The following GPAT3 variants were observed in gnomAD, a reference collection of about 807,000 sequenced individuals.
GPAT3 encodes the protein 1-AGP acyltransferase 9.
In GPAT3, 53 loss-of-function variants were observed where a neutral mutation model predicts 58.8. The observed-to-expected ratio is 0.90, with a 90% CI of 0.72 to 1.13. The LOEUF (loss-of-function observed/expected upper bound fraction) is 1.13, where lower values mean the gene tolerates loss of function less well. Ranked by LOEUF, GPAT3 falls within the 50% of genes most tolerant of loss-of-function variation. GPAT3 has a pLI of 0.00. For synonymous variants in GPAT3, 197 were observed against 187.4 expected, an observed-to-expected ratio of 1.05 and a Z score of -0.42; for missense variants, 511 against 527.6, an observed-to-expected ratio of 0.97 and a Z score of 0.31.
At chr4:83,544,197 T>C (rs536320499) in intron 1 of GPAT3, among the ~76,000 whole-genome samples, 1 of 152,242 alleles carries the variant, frequency 6.6e-6, no homozygotes, top group African/African-American at 2.4e-5. Flanking sequence ...ATAAGTAATT[T>C]CAAACCCAGA....
chr4:83,596,876 T>A lies in GPAT3; in HGVS notation c.873T>A (p.Ala291=), dbSNP rs2110108990. 2 of 1,602,924 alleles carry A rather than the reference T, an allele frequency of 1.2e-6. No individual in the cohort carries two copies. The highest frequency in any genetic ancestry group is 1.7e-6 in the Non-Finnish European group (2 of 1,177,278). The change falls in exon 8 of 12, where the codon GCT becomes GCA. Residue 291 remains alanine, a synonymous_variant. Transcript: ENST00000264409. ...TCCATAGACTAAAAGAACATATTGC[T>A]GATAAGAAGAAACTACCCATACTAA... ...LVTKRLKEHI[A]DKKKLPILIF... is the part of the protein sequence containing the mutation.
intron 2 of GPAT3, 21 bp downstream of exon 2, chr4:83,544,623 T>A (rs765776391): frequency 6.2e-7 from 1 of 1,611,852 alleles, no homozygotes; most frequent in Non-Finnish European, 8.5e-7. Flanking sequence ...CTTTTCATTA[T>A]GATTGTTACC....
At chr4:83,574,245 C>A (rs1725704682) in intron 2 of GPAT3, among the ~76,000 whole-genome samples, 1 of 151,504 alleles carries the variant, frequency 6.6e-6, no homozygotes, top group Non-Finnish European at 1.5e-5. Flanking sequence ...TGCAGTAGAC[C>A]CTGATTTTCT....
rs953175235 is a variant in GPAT3 at position 83,556,460 on chromosome 4, T to C, written c.208+11858T>C. Among the ~76,000 whole-genome samples, 7 of 150,568 alleles carry C rather than the reference T, an allele frequency of 4.6e-5. No homozygotes were observed. In the South Asian group the frequency reaches 1.5e-3, roughly 31 times the overall value. ...TTGCAGTGAGTTGAGATTGCACCACTGCACTCCAGCCTGGGTGACACAGTG... is the reference window on the plus strand; with the variant it reads ...TTGCAGTGAGTTGAGATTGCACCACCGCACTCCAGCCTGGGTGACACAGTG... On this transcript the variant is annotated intron_variant, in intron 2 of 11. Coordinates refer to ENST00000264409, the MANE Select transcript of GPAT3 (RefSeq NM_032717.5).
At chr4:83,547,619 G>C (rs1438978032) in intron 2 of GPAT3, among the ~76,000 whole-genome samples, 1 of 151,656 alleles carries the variant, frequency 6.6e-6, no homozygotes. Context: ...TCCCTTCCCA[G>C]TTAAATCCCT....
At chr4:83,604,606 A>T in intron 11 of GPAT3, 62 bp from the exon 12 acceptor site, 1 of 1,330,482 alleles carries the variant, frequency 7.5e-7, no homozygotes. Flanking sequence ...GTAATTATTA[A>T]GTTAACTCTT....
chr4:83,588,685 C>T (rs1384655489), intron 5 of GPAT3, among the ~76,000 whole-genome samples: 1 of 152,182 alleles, frequency 6.6e-6, no homozygotes, highest in East Asian at 1.9e-4. Flanking sequence ...CCATGTCTCT[C>T]TGATTTTAAA....
chr4:83,605,793 C>T lies in GPAT3; in HGVS notation c.*1026C>T, dbSNP rs1727232707. 6.6e-6 allele frequency: 1 copy of T among 152,520 alleles called. No individual in the cohort carries two copies. Among genetic ancestry groups the T allele is most frequent in the Non-Finnish European group, 1.5e-5 (1 of 68,028 alleles). The allele number at this position is 152,520 out of a possible 1,614,324, so 9.4% of individuals were successfully genotyped here. A position where few individuals can be genotyped will look rare whatever the true frequency, so the allele number is the denominator to read the frequency against. On this transcript the variant is annotated 3_prime_UTR_variant, in exon 12 of 12. Coordinates refer to ENST00000264409, the MANE Select transcript of GPAT3 (RefSeq NM_032717.5). ...AGCAATATAATGCCGTTGTAAACTA[C>T]TGAGAGTATTGTATCTGTTCTGGTA...
intron 2 of GPAT3, among the ~76,000 whole-genome samples, chr4:83,562,205 T>TA (rs1560611004): frequency 2.5e-4 from 8 of 32,538 alleles, no homozygotes; most frequent in African/African-American, 1.9e-3. Context: ...ATATAATATA[T>TA]ATATATTATA....
chr4:83,588,102 C>T (rs1294536649), intron 4 of GPAT3, 108 bp from the exon 5 acceptor site: 1 of 859,922 alleles, frequency 1.2e-6, no homozygotes, highest in Non-Finnish European at 1.9e-6. Flanking sequence ...ACCTGTTCAC[C>T]AGAATAGAAT....
chr4:83,565,694 C>G (rs894540463), intron 2 of GPAT3, among the ~76,000 whole-genome samples: 1 of 152,064 alleles, frequency 6.6e-6, no homozygotes, highest in Non-Finnish European at 1.5e-5. Context: ...CCCCACACCA[C>G]CCGGTGGGTA....
chr4:83,598,622 A>ATTT (rs71668661), intron 10 of GPAT3, 22 bp from the exon 11 acceptor site: 57 of 1,418,404 alleles, frequency 4.0e-5, no homozygotes, highest in Admixed American at 1.0e-4. Context: ...TATTCTTGCA[A>ATTT]TTTTTTTTTT....
chr4:83,554,125 G>T (rs1724862313), intron 2 of GPAT3, among the ~76,000 whole-genome samples: 1 of 151,768 alleles, frequency 6.6e-6, no homozygotes, highest in Non-Finnish European at 1.5e-5. Flanking sequence ...CTAAATAGCT[G>T]GGAGACTACA....
chr4:83,595,610 CT>C (rs1726792675), intron 7 of GPAT3, among the ~76,000 whole-genome samples: 1 of 151,928 alleles, frequency 6.6e-6, no homozygotes, highest in Non-Finnish European at 1.5e-5. Flanking sequence ...GTGGTCCCAG[CT>C]ACTTGGGAGG....
rs1033460196 is a variant in GPAT3, at chr4:83,605,194, A to G, written c.*427A>G. The G allele has an allele frequency of 6.5e-6, 1 of 153,614 alleles. No individual in the cohort carries two copies. The allele number at this position is 153,614 out of a possible 1,614,324, so 9.5% of individuals were successfully genotyped here. A position where few individuals can be genotyped will look rare whatever the true frequency, so the allele number is the denominator to read the frequency against. ...GATTACACATCAGTGCAAGATGACC[A>G]TTATGGTTATGGTCTACTGCAAGGT... On this transcript the variant is annotated 3_prime_UTR_variant, in exon 12 of 12. Transcript: ENST00000264409.
At chr4:83,543,435 G>T (rs377523664) in intron 1 of GPAT3, among the ~76,000 whole-genome samples, 1 of 151,998 alleles carries the variant, frequency 6.6e-6, no homozygotes, top group East Asian at 1.9e-4. Context: ...TGTAAAAAAT[G>T]TATAAAGAAA....
rs777665390 is a variant in GPAT3, at chr4:83,541,393, C to CTTTTT, written c.142-3127_142-3123dup. Among the ~76,000 whole-genome samples, 99 of 113,696 alleles carry CTTTTT rather than the reference C, an allele frequency of 8.7e-4. 2 individuals carry two copies. The highest frequency in any genetic ancestry group is 2.2e-3 in the African/African-American group (63 of 28,948). The allele number at this position is 113,696 out of a possible 152,430, so 74.6% of individuals were successfully genotyped here. ...CCACCATGCCCAACTAATTTAAAAC[C>CTTTTT]TTTTTTTTTTTTTTTTTTTTGTAGA... On this transcript the variant is annotated intron_variant, in intron 1 of 11. Transcript: ENST00000264409.
intron 3 of GPAT3, among the ~76,000 whole-genome samples, chr4:83,583,725 T>C (rs1424556026): frequency 6.8e-6 from 1 of 146,198 alleles, no homozygotes; most frequent in Non-Finnish European, 1.5e-5. Flanking sequence ...TAGTGACTCT[T>C]GCCTGTAATC....
chr4:83,547,068 A>C (rs988110432), intron 2 of GPAT3, among the ~76,000 whole-genome samples: 7 of 151,958 alleles, frequency 4.6e-5, no homozygotes, highest in African/African-American at 1.7e-4. Flanking sequence ...TTTGGCCTTG[A>C]GAGCACCATG....
Sources: allele counts gnomAD v4.1 joint callset (sites outside exome capture counted in the v4.1 genomes callset), GRCh38; gene constraint gnomAD v4.1.1; transcripts MANE v1.5; gene names NCBI Gene and HGNC (gene_info 2026-07-23, HGNC 2026-07-21).